RASGEF1A: variants seen among roughly 807,000 people sequenced by gnomAD.
The protein encoded by RASGEF1A is RasGEF domain family member 1A.
In RASGEF1A, 18 loss-of-function variants were observed where a neutral mutation model predicts 56.4. The ratio of observed to expected loss-of-function variants is 0.32; its 90% CI spans 0.22 to 0.47. The LOEUF is 0.47. RASGEF1A is among the 20% of genes least tolerant of loss of function. The pLI, the probability that RASGEF1A is intolerant of heterozygous loss-of-function variation, is 1.00. For missense variants in RASGEF1A, 422 were observed against 627.1 expected (o/e 0.67, Z 3.49); for synonymous variants, 245 against 242.6 (o/e 1.01, Z -0.09).
intron 1 of RASGEF1A, 36 bp from the exon 2 acceptor site, chr10:43,206,158 G>A: frequency 4.6e-6 from 7 of 1,509,428 alleles, no homozygotes; most frequent in Non-Finnish European, 6.3e-6. Flanking sequence ...GGCATCAAAG[G>A]CGCCTCCACA....
intron 1 of RASGEF1A, among the ~76,000 whole-genome samples, chr10:43,219,516 C>T (rs919750217): frequency 5.1e-4 from 77 of 152,218 alleles, no homozygotes; most frequent in African/African-American, 1.7e-3. Flanking sequence ...TGGGCAGTGG[C>T]CAGGGCGCCT....
intron 1 of RASGEF1A, among the ~76,000 whole-genome samples, chr10:43,261,260 G>A (rs1270036070): frequency 6.6e-6 from 1 of 152,218 alleles, no homozygotes; most frequent in Non-Finnish European, 1.5e-5. Flanking sequence ...CCAGGTACCT[G>A]CAGGTCACCT....
chr10:43,241,960 A>G (rs889003761), intron 1 of RASGEF1A, among the ~76,000 whole-genome samples: 2 of 152,070 alleles, frequency 1.3e-5, no homozygotes, highest in African/African-American at 4.8e-5. Context: ...ACACAGTGAA[A>G]CCCCATCTCT....
intron 1 of RASGEF1A, among the ~76,000 whole-genome samples, chr10:43,223,843 A>G (rs1564535480): frequency 1.3e-5 from 2 of 152,084 alleles, no homozygotes; most frequent in Non-Finnish European, 2.9e-5. Context: ...ATAAAAATTT[A>G]TTTTAAAAAA....
intron 2 of RASGEF1A, among the ~76,000 whole-genome samples, chr10:43,204,397 G>A (rs866396626): frequency 7.9e-5 from 12 of 152,290 alleles, no homozygotes; most frequent in Middle Eastern, 3.4e-3. Context: ...GAGCATCAGG[G>A]ACTCCTCTAA....
At chr10:43,237,208 A>T (rs556001065) in intron 1 of RASGEF1A, among the ~76,000 whole-genome samples, 1 of 152,214 alleles carries the variant, frequency 6.6e-6, no homozygotes, top group Non-Finnish European at 1.5e-5. Context: ...TCTTGGGGCC[A>T]GCCTGCTCTA....
chr10:43,229,622 C>T lies in RASGEF1A; in HGVS notation c.-6-23500G>A, dbSNP rs1043562348. The T allele has an allele frequency of 1.6e-5, 24 of 1,492,390 alleles. No homozygotes were observed. In the Admixed American group the frequency reaches 4.0e-4, roughly 25 times the overall value. 92.4% of individuals were successfully genotyped at this position (1,492,390 alleles called of 1,614,324 possible). A position where few individuals can be genotyped will look rare whatever the true frequency, so the allele number is the denominator to read the frequency against. On this transcript the variant is annotated intron_variant, in intron 1 of 12. Coordinates refer to ENST00000395810, the MANE Select transcript of RASGEF1A (RefSeq NM_145313.4). Reference sequence around the variant, plus strand: ...CTGCCCCGCGGCCTTGCGCCTGGGCCCGCCGCAGCCCTACCTGGGGCTCCA... The same window carrying T: ...CTGCCCCGCGGCCTTGCGCCTGGGCTCGCCGCAGCCCTACCTGGGGCTCCA...
chr10:43,218,550 C>T (rs1840166012), intron 1 of RASGEF1A, among the ~76,000 whole-genome samples: 1 of 151,968 alleles, frequency 6.6e-6, no homozygotes, highest in East Asian at 1.9e-4. Flanking sequence ...ATTCCTGCAG[C>T]AGGGCAGGGA....
At chr10:43,224,873 T>TATCAATA (rs1204853951) in intron 1 of RASGEF1A, among the ~76,000 whole-genome samples, 1 of 152,214 alleles carries the variant, frequency 6.6e-6, no homozygotes, top group Non-Finnish European at 1.5e-5. Context: ...ACTAGTAAGG[T>TATCAATA]ATCAATAATC....
At chr10:43,202,042 C>G in intron 3 of RASGEF1A, 97 bp from the exon 4 acceptor site, 1 of 1,366,656 alleles carries the variant, frequency 7.3e-7, no homozygotes, top group Non-Finnish European at 9.8e-7. Flanking sequence ...AGCCACACCC[C>G]AGGCCCTGTG....
Position 43,198,210 on chromosome 10 carries a change from A to G in RASGEF1A, c.1033-15T>C. On this transcript the variant is annotated splice_polypyrimidine_tract_variant and intron_variant, in intron 9 of 12. Transcript: ENST00000395810. The stretch of plus-strand genomic sequence containing the variant: ...TCCATGTGATGCTGTGGGCACAGGG[A>G]GGACCTGGTGAGCATCACAGCCCCA... 2 of 1,599,818 alleles carry G rather than the reference A, an allele frequency of 1.3e-6. No homozygotes were observed. Among genetic ancestry groups the G allele is most frequent in the Non-Finnish European group, 1.7e-6 (2 of 1,169,562 alleles).
At chr10:43,233,124 T>C (rs1588944690) in intron 1 of RASGEF1A, among the ~76,000 whole-genome samples, 2 of 151,612 alleles carry the variant, frequency 1.3e-5, no homozygotes, top group African/African-American at 4.8e-5. Flanking sequence ...TGTCCTGCCA[T>C]GGAATGGTTT....
intron 1 of RASGEF1A, among the ~76,000 whole-genome samples, chr10:43,257,196 A>G (rs868314): frequency 0.13 from 20,410 of 152,242 alleles, 2,203 homozygotes; most frequent in East Asian, 0.53. Context: ...GGTCACAGCA[A>G]GAGGGAGGAG....
At chr10:43,239,637 A>ACATTCAT (rs1162398090) in intron 1 of RASGEF1A, among the ~76,000 whole-genome samples, 2 of 152,240 alleles carry the variant, frequency 1.3e-5, no homozygotes, top group Non-Finnish European at 2.9e-5. Flanking sequence ...GTAGGACCCC[A>ACATTCAT]CATTCATCAT....
At chr10:43,199,041 C>T in intron 8 of RASGEF1A, 29 bp from the exon 9 acceptor site, 1 of 1,454,542 alleles carries the variant, frequency 6.9e-7, no homozygotes, top group East Asian at 2.3e-5. Flanking sequence ...AGGGTCAGGG[C>T]CGGGGGGGTG....
At chr10:43,254,496 C>T (rs1478113318) in intron 1 of RASGEF1A, among the ~76,000 whole-genome samples, 1 of 152,226 alleles carries the variant, frequency 6.6e-6, no homozygotes, top group Non-Finnish European at 1.5e-5. Context: ...GCCCTCTCCA[C>T]CTCGGGCCTC....
At chr10:43,241,665 G>C (rs142194825) in intron 1 of RASGEF1A, among the ~76,000 whole-genome samples, 1 of 151,056 alleles carries the variant, frequency 6.6e-6, no homozygotes, top group Non-Finnish European at 1.5e-5. Flanking sequence ...AACAAAAATG[G>C]CATAAGACAT....
chr10:43,229,965 G>A (rs1840341207), intron 1 of RASGEF1A, among the ~76,000 whole-genome samples: 1 of 151,942 alleles, frequency 6.6e-6, no homozygotes, highest in Non-Finnish European at 1.5e-5. Flanking sequence ...GCCTGGGCCG[G>A]GCGCGCGCCT....
rs74406292 is a variant in RASGEF1A, at chr10:43,213,062, G to A, written c.-6-6940C>T. Among the ~76,000 whole-genome samples the A allele has an allele frequency of 8.5e-3, 1,301 of 152,336 alleles. 22 individuals carry two copies. Among genetic ancestry groups the A allele is most frequent in the African/African-American group, 0.03 (1,246 of 41,568 alleles). On this transcript the variant is annotated intron_variant, in intron 1 of 12. Coordinates refer to ENST00000395810, the MANE Select transcript of RASGEF1A (RefSeq NM_145313.4). ...TGAAAACCTTGCTCTCATGGAGGTAGACAGTAGAATAATGGCTACCAGAGG... is the reference window on the plus strand; with the variant it reads ...TGAAAACCTTGCTCTCATGGAGGTAAACAGTAGAATAATGGCTACCAGAGG...
Sources: gnomAD v4.1 joint callset for allele counts (sites outside exome capture counted in the v4.1 genomes callset) on GRCh38, gnomAD v4.1.1 for gene constraint, MANE v1.5 for transcripts, NCBI Gene and HGNC (gene_info 2026-07-23, HGNC 2026-07-21) for gene names.